CHRM3: variants seen among roughly 807,000 people sequenced by gnomAD.
CHRM3 encodes cholinergic receptor muscarinic 3.
A neutral mutation model predicts 41.8 loss-of-function variants in CHRM3; 11 were observed. That is an observed-to-expected ratio of 0.26 (90% CI 0.17 to 0.44). CHRM3 has a LOEUF of 0.44. Among genes scored for constraint, CHRM3 ranks in the 20% least tolerant of loss-of-function variants. The probability of loss-of-function intolerance (pLI) is 1.00; values close to 1 mark genes in which losing one functional copy is unlikely to be tolerated. For synonymous variants in CHRM3, 297 were observed against 301.4 expected, an observed-to-expected ratio of 0.99 and a Z score of 0.15; for missense variants, 571 against 745.4, an observed-to-expected ratio of 0.77 and a Z score of 2.72.
rs1330551193 is a variant in CHRM3 at position 239,742,267 on chromosome 1, AGT to A, written c.-147+63981_-147+63982del. Among the ~76,000 whole-genome samples the A allele has an allele frequency of 4.9e-5, 7 of 144,200 alleles. No individual in the cohort carries two copies. In the East Asian group the frequency reaches 1.4e-3, roughly 29 times the overall value. 94.6% of individuals were successfully genotyped at this position (144,200 alleles called of 152,430 possible). A position where few individuals can be genotyped will look rare whatever the true frequency, so the allele number is the denominator to read the frequency against. ...TATAAAACAAACCACACCAAAATGT[AGT>A]GACTTAAAGCAGTAACCATTGCTCG... On this transcript the variant is annotated intron_variant, in intron 5 of 6. Transcript: ENST00000676153.
chr1:239,672,246 G>A (rs542647095), intron 4 of CHRM3, among the ~76,000 whole-genome samples: 18 of 152,082 alleles, frequency 1.2e-4, no homozygotes, highest in Non-Finnish European at 2.2e-4. Context: ...GGATGAAGGC[G>A]GCTCTGTCCT....
chr1:239,394,865 T>A (rs994562544), intron 1 of CHRM3, among the ~76,000 whole-genome samples: 1 of 152,224 alleles, frequency 6.6e-6, no homozygotes, highest in Non-Finnish European at 1.5e-5. Flanking sequence ...GTGCCACTTC[T>A]AAATTTTCAT....
At chr1:239,768,474 A>T (rs1667396054) in intron 5 of CHRM3, among the ~76,000 whole-genome samples, 1 of 152,260 alleles carries the variant, frequency 6.6e-6, no homozygotes. Context: ...GCCTTCCAGA[A>T]AGCCCAACAT....
In CHRM3 at chr1:239,404,105, A is replaced by C. The variant is rs202028161; in HGVS notation, c.-521+16878A>C. ...AGATCGAGACCATCCTGGCTAACACAGTGAAACCCCGTCTCTACCAAAAAT... is the reference window on the plus strand; with the variant it reads ...AGATCGAGACCATCCTGGCTAACACCGTGAAACCCCGTCTCTACCAAAAAT... On this transcript the variant is annotated intron_variant, in intron 1 of 6. Transcript: ENST00000676153. Among the ~76,000 whole-genome samples, 4 of 150,362 alleles carry C rather than the reference A, an allele frequency of 2.7e-5. No homozygotes were observed. In the Admixed American group the frequency reaches 2.7e-4, roughly 10 times the overall value.
intron 6 of CHRM3, among the ~76,000 whole-genome samples, chr1:239,903,863 G>A (rs1029801596): frequency 2.0e-5 from 3 of 152,112 alleles, no homozygotes; most frequent in African/African-American, 4.8e-5. Flanking sequence ...CATTGTTGTG[G>A]TAGAGGAGCG....
intron 4 of CHRM3, among the ~76,000 whole-genome samples, chr1:239,667,617 G>A (rs1432330858): frequency 2.0e-5 from 3 of 152,172 alleles, no homozygotes; most frequent in African/African-American, 7.2e-5. Flanking sequence ...GGAGAATTAA[G>A]TTCTCAGAGA....
intron 1 of CHRM3, among the ~76,000 whole-genome samples, chr1:239,426,222 G>A (rs1282708722): frequency 7.2e-6 from 1 of 138,864 alleles, no homozygotes; most frequent in African/African-American, 2.7e-5. Flanking sequence ...TGGAGAAATA[G>A]GAACACTTTT....
At chr1:239,735,067 G>A (rs1410466424) in intron 5 of CHRM3, among the ~76,000 whole-genome samples, 2 of 152,090 alleles carry the variant, frequency 1.3e-5, no homozygotes, top group East Asian at 1.9e-4. Context: ...GCCGATTTTT[G>A]TGAGGAGAAA....
At chr1:239,701,192 A>G (rs1660654209) in intron 5 of CHRM3, among the ~76,000 whole-genome samples, 2 of 152,202 alleles carry the variant, frequency 1.3e-5, no homozygotes, top group South Asian at 2.1e-4. Flanking sequence ...AACTCTGCAC[A>G]TAGTACCACT....
chr1:239,441,575 A>G (rs1445203575), intron 1 of CHRM3, among the ~76,000 whole-genome samples: 3 of 152,224 alleles, frequency 2.0e-5, no homozygotes, highest in Non-Finnish European at 2.9e-5. Context: ...CTTTGTTCAT[A>G]TGTAGGAGAG....
intron 3 of CHRM3, among the ~76,000 whole-genome samples, chr1:239,583,624 C>T (rs1354693420): frequency 1.3e-5 from 2 of 152,160 alleles, no homozygotes; most frequent in Non-Finnish European, 2.9e-5. Context: ...CTAGTTCTGA[C>T]TTGCTTTTCT....
chr1:239,616,358 A>G (rs2148782786), intron 3 of CHRM3, among the ~76,000 whole-genome samples: 1 of 152,278 alleles, frequency 6.6e-6, no homozygotes, highest in East Asian at 1.9e-4. Context: ...TTACCATGCA[A>G]CTGTTCTTTG....
chr1:239,757,927 T>G (rs1314939030), intron 5 of CHRM3, among the ~76,000 whole-genome samples: 1 of 152,218 alleles, frequency 6.6e-6, no homozygotes, highest in African/African-American at 2.4e-5. Flanking sequence ...TCACTCTTCC[T>G]GAGTCACTCT....
At chr1:239,393,993 C>T (rs1659269920) in intron 1 of CHRM3, among the ~76,000 whole-genome samples, 2 of 152,038 alleles carry the variant, frequency 1.3e-5, no homozygotes, top group African/African-American at 4.8e-5. Context: ...TATATACATC[C>T]ATTATCACAT....
At chr1:239,449,260 A>G (rs746751002) in intron 1 of CHRM3, among the ~76,000 whole-genome samples, 7 of 152,218 alleles carry the variant, frequency 4.6e-5, no homozygotes, top group Non-Finnish European at 8.8e-5. Flanking sequence ...TGAAACCCCA[A>G]AGACATTATT....
At chr1:239,810,794 T>A (rs1056922066) in intron 5 of CHRM3, among the ~76,000 whole-genome samples, 1 of 152,252 alleles carries the variant, frequency 6.6e-6, no homozygotes, top group Admixed American at 6.5e-5. Context: ...ATCAACCCTT[T>A]GAGGCCAAGA....
chr1:239,423,240 T>C (rs573685063), intron 1 of CHRM3, among the ~76,000 whole-genome samples: 147 of 152,314 alleles, frequency 9.7e-4, no homozygotes, highest in African/African-American at 3.4e-3. Context: ...TTAAAAAATA[T>C]GTACAGCAGG....
intron 6 of CHRM3, among the ~76,000 whole-genome samples, chr1:239,866,024 G>C (rs1676060497): frequency 6.6e-6 from 1 of 152,050 alleles, no homozygotes; most frequent in Non-Finnish European, 1.5e-5. Context: ...CTGTATGATG[G>C]GGGCTTTTAC....
At chr1:239,777,824 T>G (rs958042396) in intron 5 of CHRM3, among the ~76,000 whole-genome samples, 10 of 152,198 alleles carry the variant, frequency 6.6e-5, no homozygotes, top group Non-Finnish European at 1.0e-4. Flanking sequence ...TGTGAATCCT[T>G]CAAATAGTTA....
Sources: gnomAD v4.1 joint callset for allele counts (sites outside exome capture counted in the v4.1 genomes callset) on GRCh38, gnomAD v4.1.1 for gene constraint, MANE v1.5 for transcripts, NCBI Gene and HGNC (gene_info 2026-07-23, HGNC 2026-07-21) for gene names.